ZNF638: variants seen among roughly 807,000 people sequenced by gnomAD.
ZNF638 encodes the protein zinc finger protein 638, also known as CTCL tumor antigen se33-1.
A neutral mutation model predicts 195.6 loss-of-function variants in ZNF638; 46 were observed. That is an observed-to-expected ratio of 0.24 (90% confidence interval 0.19 to 0.30). The LOEUF is 0.30. Ranked by LOEUF, ZNF638 falls within the 10% of genes least tolerant of loss-of-function variation. The pLI is 1.00. For synonymous variants in ZNF638, 845 were observed against 772.0 expected, an observed-to-expected ratio of 1.09 and a Z score of -1.57; for missense variants, 2,440 against 2,325.3, an observed-to-expected ratio of 1.05 and a Z score of -1.01.
chr2:71,404,311 A>AT (rs1180912303), intron 17 of ZNF638, among the ~76,000 whole-genome samples: 2 of 152,034 alleles, frequency 1.3e-5, no homozygotes, highest in Middle Eastern at 6.8e-3. Flanking sequence ...GTTATCTTTA[A>AT]TTTTTTTTCT....
At chr2:71,331,911 A>C in intron 1 of ZNF638, 36 bp downstream of exon 1, 2 of 986,344 alleles carry the variant, frequency 2.0e-6, no homozygotes, top group Non-Finnish European at 2.4e-6. Flanking sequence ...AGGGGGTTGG[A>C]AGGCGGAGGC....
rs201371403 is a variant in ZNF638 at position 71,423,694 on chromosome 2, A to G, written c.4180A>G (p.Ile1394Val). The G allele has an allele frequency of 1.4e-5, 22 of 1,613,790 alleles. No individual in the cohort carries two copies. The highest frequency in any genetic ancestry group is 1.7e-5 in the Non-Finnish European group (20 of 1,180,032). ...AGATGTATCTAGCAGTAAACCAAGC[A>G]TCAAGGCTGTTATAGTCTCTTCTCC... ...VSDVSSSKPS[I>V]KAVIVSSPKA... is the part of the protein sequence containing the mutation. The change falls in exon 22 of 28, where the codon ATC (isoleucine) becomes GTC (valine). Residue 1394 changes from isoleucine to valine, a missense_variant. Physicochemically the swap from Ile to Val is conservative, Grantham distance 29. Around this residue, in one of 5 missense-constraint regions of ZNF638, gnomAD observed 1,883 missense variants for 1,739.1 expected, o/e 1.08. Transcript: ENST00000264447.
intron 17 of ZNF638, among the ~76,000 whole-genome samples, chr2:71,404,432 A>C (rs2080065271): frequency 6.6e-6 from 1 of 152,112 alleles, no homozygotes; most frequent in Non-Finnish European, 1.5e-5. Flanking sequence ...TTACTGGTCC[A>C]GGTATGGTGG....
At chr2:71,372,611 C>T (rs1012820786) in intron 8 of ZNF638, among the ~76,000 whole-genome samples, 3 of 152,198 alleles carry the variant, frequency 2.0e-5, no homozygotes, top group African/African-American at 7.2e-5. Flanking sequence ...TATGAATGCT[C>T]ACTTGATATT....
At chr2:71,399,337 CAT>C (rs1047177289) in intron 12 of ZNF638, among the ~76,000 whole-genome samples, 42 of 152,248 alleles carry the variant, frequency 2.8e-4, no homozygotes, top group African/African-American at 7.9e-4. Flanking sequence ...GAAGGTTAAA[CAT>C]GTGGCTCATT....
At chr2:71,395,227 ATGT>A (rs2079868081) in intron 10 of ZNF638, 1 of 717,116 alleles carries the variant, frequency 1.4e-6, no homozygotes, top group Admixed American at 2.0e-5. Flanking sequence ...TGTTTGTCTT[ATGT>A]TATTTACTAA....
chr2:71,353,924 G>C (rs1214904689), intron 2 of ZNF638, among the ~76,000 whole-genome samples: 1 of 152,102 alleles, frequency 6.6e-6, no homozygotes, highest in Non-Finnish European at 1.5e-5. Flanking sequence ...TCTTCTTCTA[G>C]CTTTCTATTT....
intron 1 of ZNF638, among the ~76,000 whole-genome samples, chr2:71,344,767 A>C (rs2078823213): frequency 6.6e-6 from 1 of 152,232 alleles, no homozygotes; most frequent in Non-Finnish European, 1.5e-5. Flanking sequence ...TAAATTTGAA[A>C]AAATAAGGCT....
chr2:71,427,075 G>A lies in ZNF638; in HGVS notation c.5206G>A (p.Val1736Ile). 6.2e-7 allele frequency: 1 copy of A among 1,614,120 alleles called. No homozygotes were observed. Among genetic ancestry groups the A allele is most frequent in the Non-Finnish European group, 8.5e-7 (1 of 1,180,004 alleles). ...CGAAGACCCTTCTACTTTAGTTACT[G>A]TAGATGAAATACAAGATGACAGCAG... ...VPEDPSTLVT[V>I]DEIQDDSSDL... Residue 1736 changes from valine to isoleucine, a missense_variant, in exon 24 of 28, where the codon GTA becomes ATA. Val to Ile is a conservative substitution (Grantham distance 29). Around this residue, in one of 5 missense-constraint regions of ZNF638, gnomAD observed 1,883 missense variants for 1,739.1 expected, o/e 1.08. Coordinates refer to ENST00000264447, the MANE Select transcript of ZNF638 (RefSeq NM_014497.5).
At chr2:71,358,573 G>C (rs576146092) in intron 3 of ZNF638, among the ~76,000 whole-genome samples, 90 of 152,292 alleles carry the variant, frequency 5.9e-4, no homozygotes, top group African/African-American at 2.1e-3. Context: ...GGGCTTAAGG[G>C]TTCTTTCGTT....
intron 8 of ZNF638, among the ~76,000 whole-genome samples, chr2:71,373,653 C>T (rs1030129965): frequency 1.3e-5 from 2 of 151,458 alleles, no homozygotes; most frequent in Non-Finnish European, 2.9e-5. Context: ...CTCCTGACCT[C>T]GTGATCCGTC....
chr2:71,381,614 C>T (rs2079536539), intron 10 of ZNF638, among the ~76,000 whole-genome samples: 1 of 151,792 alleles, frequency 6.6e-6, no homozygotes, highest in Non-Finnish European at 1.5e-5. Context: ...AAATTTGACC[C>T]CATTAGTAGC....
intron 26 of ZNF638, among the ~76,000 whole-genome samples, chr2:71,432,886 C>T (rs893326301): frequency 5.3e-5 from 8 of 152,130 alleles, no homozygotes; most frequent in African/African-American, 1.2e-4. Flanking sequence ...GTCAGGAGTT[C>T]GAGACCAGCC....
chr2:71,378,433 CAG>C (rs934310278), intron 8 of ZNF638, among the ~76,000 whole-genome samples: 4 of 152,104 alleles, frequency 2.6e-5, no homozygotes, highest in African/African-American at 7.2e-5. Context: ...CCAAAAAGAA[CAG>C]AAAGTATGAA....
chr2:71,352,368 C>T (rs971726701), intron 2 of ZNF638, among the ~76,000 whole-genome samples: 3 of 151,802 alleles, frequency 2.0e-5, no homozygotes, highest in African/African-American at 7.3e-5. Context: ...ATTCCAGCTA[C>T]TCAGGAGGCT....
chr2:71,386,305 A>C (rs2079637597), intron 10 of ZNF638, among the ~76,000 whole-genome samples: 1 of 151,664 alleles, frequency 6.6e-6, no homozygotes, highest in African/African-American at 2.4e-5. Flanking sequence ...AAAAAAAAAA[A>C]AAAAAAAAAA....
intron 20 of ZNF638, among the ~76,000 whole-genome samples, chr2:71,411,390 A>C (rs941237635): frequency 6.7e-6 from 1 of 150,228 alleles, no homozygotes; most frequent in Non-Finnish European, 1.5e-5. Flanking sequence ...CTGATTTCAT[A>C]GATGCTGTAT....
At chr2:71,402,230 C>A in intron 16 of ZNF638, 143 bp downstream of exon 16, 1 of 794,838 alleles carries the variant, frequency 1.3e-6, no homozygotes, top group Non-Finnish European at 1.8e-6. Context: ...AAATATAAAA[C>A]ACAGATATCC....
intron 1 of ZNF638, among the ~76,000 whole-genome samples, chr2:71,345,245 C>T (rs2078830915): frequency 6.6e-6 from 1 of 152,124 alleles, no homozygotes; most frequent in African/African-American, 2.4e-5. Flanking sequence ...TTTCAGGCAT[C>T]CATTGGGGAT....
Sources: gnomAD v4.1 joint callset for allele counts (sites outside exome capture counted in the v4.1 genomes callset) on GRCh38, gnomAD v4.1.1 for gene constraint, gnomAD v4.1.1 regional missense constraint, MANE v1.5 for transcripts, NCBI Gene and HGNC (gene_info 2026-07-23, HGNC 2026-07-21) for gene names.